The following NRXN3 variants were observed in gnomAD, a reference collection of about 807,000 sequenced individuals.
NRXN3 encodes neurexin III.
A neutral mutation model predicts 137.6 loss-of-function variants in NRXN3; 32 were observed. The observed-to-expected ratio is 0.23, with a 90% CI of 0.18 to 0.31. The LOEUF (loss-of-function observed/expected upper bound fraction) is 0.31. Ranked by LOEUF, NRXN3 falls within the 10% of genes least tolerant of loss-of-function variation. NRXN3 has a pLI of 1.00. For synonymous variants in NRXN3, 798 were observed against 784.5 expected, an observed-to-expected ratio of 1.02 and a Z score of -0.29; for missense variants, 1,574 against 2,062.5, an observed-to-expected ratio of 0.76 and a Z score of 4.59.
At chr14:78,937,185 GAAAA>G (rs199876825) in intron 10 of NRXN3, among the ~76,000 whole-genome samples, 6 of 98,548 alleles carry the variant, frequency 6.1e-5, no homozygotes, top group African/African-American at 1.6e-4. Flanking sequence ...TCGTGCCATT[GAAAA>G]AAAAAAAAAA....
At chr14:79,573,020 G>A (rs1461556935) in intron 16 of NRXN3, 1 of 152,146 alleles carries the variant, frequency 6.6e-6, no homozygotes, top group Non-Finnish European at 1.5e-5. Flanking sequence ...GGTGAGTTTT[G>A]GCTTTGAGAG....
intron 20 of NRXN3, among the ~76,000 whole-genome samples, chr14:79,856,138 C>T (rs572817680): frequency 2.6e-5 from 4 of 152,154 alleles, no homozygotes; most frequent in Admixed American, 2.0e-4. Flanking sequence ...GGTGGGGAAG[C>T]GAGGGAGAAT....
chr14:78,469,414 G>C (rs2095210321), intron 4 of NRXN3, among the ~76,000 whole-genome samples: 1 of 152,178 alleles, frequency 6.6e-6, no homozygotes, highest in African/African-American at 2.4e-5. Context: ...AGCCAGAGTT[G>C]AGAACCACTG....
intron 6 of NRXN3, among the ~76,000 whole-genome samples, chr14:78,655,041 C>T (rs1215551449): frequency 1.3e-5 from 2 of 152,108 alleles, no homozygotes; most frequent in South Asian, 2.1e-4. Flanking sequence ...GGAAGTTCCT[C>T]TATGAAAAAT....
At chr14:78,428,652 T>G (rs1038179259) in intron 4 of NRXN3, among the ~76,000 whole-genome samples, 1 of 152,170 alleles carries the variant, frequency 6.6e-6, no homozygotes, top group South Asian at 2.1e-4. Context: ...CAGGGTGAGT[T>G]GGCAAGCTGG....
chr14:79,126,674 C>T (rs2056551328), intron 15 of NRXN3, among the ~76,000 whole-genome samples: 1 of 151,738 alleles, frequency 6.6e-6, no homozygotes, highest in South Asian at 2.1e-4. Context: ...ATTTATAGTC[C>T]TTTGGGTATA....
intron 19 of NRXN3, among the ~76,000 whole-genome samples, chr14:79,719,419 T>TATATATATATAC (rs762235239): frequency 6.6e-6 from 1 of 151,402 alleles, no homozygotes; most frequent in Non-Finnish European, 1.5e-5. Context: ...TATATATATA[T>TATATATATATAC]ACCTTTCCCA....
intron 15 of NRXN3, among the ~76,000 whole-genome samples, chr14:79,304,160 T>A (rs2085637227): frequency 6.6e-6 from 1 of 152,036 alleles, no homozygotes; most frequent in African/African-American, 2.4e-5. Context: ...TGGTGTGGGA[T>A]GAAAATGCCT....
At chr14:79,086,203 C>T (rs1011607148) in intron 15 of NRXN3, among the ~76,000 whole-genome samples, 2 of 152,128 alleles carry the variant, frequency 1.3e-5, no homozygotes, top group Non-Finnish European at 2.9e-5. Flanking sequence ...TGAAATTCTA[C>T]AGGTCATTTA....
chr14:79,797,052 T>C (rs2099163207), intron 19 of NRXN3, among the ~76,000 whole-genome samples: 3 of 152,206 alleles, frequency 2.0e-5, no homozygotes, highest in African/African-American at 7.2e-5. Context: ...TGGCACATCA[T>C]AGGCAATTAA....
At chr14:78,447,582 C>A (rs562129086) in intron 4 of NRXN3, among the ~76,000 whole-genome samples, 18 of 152,342 alleles carry the variant, frequency 1.2e-4, no homozygotes, top group Admixed American at 3.3e-4. Context: ...AAAATCTCAT[C>A]ACCACTCCAA....
At chr14:78,755,147 C>A (rs2098662074) in intron 8 of NRXN3, among the ~76,000 whole-genome samples, 1 of 151,698 alleles carries the variant, frequency 6.6e-6, no homozygotes, top group South Asian at 2.1e-4. Context: ...TTCCAAGTAG[C>A]TGGGACTATG....
chr14:78,425,810 G>A (rs1033960706), intron 4 of NRXN3, among the ~76,000 whole-genome samples: 1 of 152,026 alleles, frequency 6.6e-6, no homozygotes, highest in Non-Finnish European at 1.5e-5. Flanking sequence ...TGAACCTCAG[G>A]GCTCCTGTCT....
intron 20 of NRXN3, among the ~76,000 whole-genome samples, chr14:79,825,985 A>G (rs938891334): frequency 6.8e-5 from 10 of 147,314 alleles, no homozygotes; most frequent in Admixed American, 2.9e-4. Context: ...ACACATATAT[A>G]TACCTTCCTC....
chr14:79,562,801 G>A (rs1747600846), intron 16 of NRXN3, among the ~76,000 whole-genome samples: 1 of 152,058 alleles, frequency 6.6e-6, no homozygotes, highest in Admixed American at 6.6e-5. Context: ...TATACTTCTA[G>A]GACTGTACAA....
At chr14:78,663,947 G>C (rs1318707562) in intron 6 of NRXN3, among the ~76,000 whole-genome samples, 1 of 152,206 alleles carries the variant, frequency 6.6e-6, no homozygotes, top group Admixed American at 6.5e-5. Context: ...TTTTGCAAAT[G>C]CAGAAACGAC....
intron 19 of NRXN3, among the ~76,000 whole-genome samples, chr14:79,735,462 T>A (rs1445871943): frequency 6.6e-6 from 1 of 152,226 alleles, no homozygotes; most frequent in East Asian, 1.9e-4. Flanking sequence ...GGGTTGACAT[T>A]AGCTTGAACT....
intron 3 of NRXN3, among the ~76,000 whole-genome samples, chr14:78,295,446 A>G (rs1039499760): frequency 6.6e-6 from 1 of 152,212 alleles, no homozygotes; most frequent in Non-Finnish European, 1.5e-5. Context: ...AATTTTAAAA[A>G]CACAGGTGGT....
At chr14:79,409,448 G>A (rs984691694) in intron 15 of NRXN3, among the ~76,000 whole-genome samples, 13 of 149,446 alleles carry the variant, frequency 8.7e-5, no homozygotes, top group Admixed American at 1.3e-4. Context: ...GCATATGTAG[G>A]TATATGTATA....
Sources: allele counts gnomAD v4.1 joint callset (sites outside exome capture counted in the v4.1 genomes callset), GRCh38; gene constraint gnomAD v4.1.1; transcripts MANE v1.5; gene names NCBI Gene and HGNC (gene_info 2026-07-23, HGNC 2026-07-21).